Variants in RBFOX1 observed in about 807,000 individuals in gnomAD.
RBFOX1 encodes the protein RNA binding fox-1 homolog 1.
Under a neutral mutation model 57.7 loss-of-function variants are expected in RBFOX1, and 8 were observed. The observed-to-expected ratio is 0.14, with a 90% CI of 0.08 to 0.25. The LOEUF is 0.25. Among genes scored for constraint, RBFOX1 ranks in the 10% least tolerant of loss-of-function variants. The pLI is 1.00. For missense variants in RBFOX1, 611 were observed against 548.5 expected, an observed-to-expected ratio of 1.11 and a Z score of -1.14; for synonymous variants, 326 against 222.4, an observed-to-expected ratio of 1.47 and a Z score of -4.15.
chr16:6,264,537 T>C (rs979513687), intron 1 of RBFOX1, among the ~76,000 whole-genome samples: 1 of 152,170 alleles, frequency 6.6e-6, no homozygotes, highest in Non-Finnish European at 1.5e-5. Context: ...ATTCACCTCC[T>C]CGCTCACATC....
chr16:6,849,734 C>T (rs1358238983), intron 3 of RBFOX1, among the ~76,000 whole-genome samples: 1 of 152,094 alleles, frequency 6.6e-6, no homozygotes, highest in Non-Finnish European at 1.5e-5. Context: ...GTCTACATCG[C>T]CTACATCCCA....
At chr16:5,741,378 C>CT (rs1180941055) in intron 3 of RBFOX1, among the ~76,000 whole-genome samples, 1 of 152,146 alleles carries the variant, frequency 6.6e-6, no homozygotes, top group East Asian at 1.9e-4. Flanking sequence ...ATGCTAATTA[C>CT]TTTTTTTCCC....
intron 2 of RBFOX1, among the ~76,000 whole-genome samples, chr16:5,544,722 G>A (rs1010496435): frequency 2.0e-5 from 3 of 151,940 alleles, no homozygotes; most frequent in African/African-American, 7.3e-5. Context: ...CTTAAATAAG[G>A]CATAACTATA....
intron 4 of RBFOX1, among the ~76,000 whole-genome samples, chr16:7,054,743 G>A (rs1461391443): frequency 1.3e-5 from 2 of 152,158 alleles, no homozygotes; most frequent in African/African-American, 4.8e-5. Flanking sequence ...TGTCCTAAGT[G>A]CAGCAGTCAA....
intron 3 of RBFOX1, among the ~76,000 whole-genome samples, chr16:5,769,870 G>T (rs1275114149): frequency 1.3e-5 from 2 of 152,118 alleles, no homozygotes; most frequent in African/African-American, 4.8e-5. Flanking sequence ...CCCAATTTGT[G>T]GTACTTTGTC....
At chr16:7,202,274 C>G (rs998309912) in intron 4 of RBFOX1, among the ~76,000 whole-genome samples, 1 of 147,358 alleles carries the variant, frequency 6.8e-6, no homozygotes, top group Non-Finnish European at 1.5e-5. Context: ...GATACCACCT[C>G]ACACACATTA....
At chr16:5,821,838 G>A (rs140912401) in intron 3 of RBFOX1, among the ~76,000 whole-genome samples, 14 of 152,248 alleles carry the variant, frequency 9.2e-5, no homozygotes, top group African/African-American at 3.1e-4. Context: ...CATGGTGAAA[G>A]GAGAAGGGCA....
intron 10 of RBFOX1, among the ~76,000 whole-genome samples, chr16:7,612,692 AC>A (rs1425576196): frequency 2.6e-5 from 4 of 152,130 alleles, no homozygotes; most frequent in Non-Finnish European, 4.4e-5. Flanking sequence ...GATTTACGGC[AC>A]CTTTAATCTT....
intron 9 of RBFOX1, among the ~76,000 whole-genome samples, chr16:7,602,582 G>A (rs1412014459): frequency 6.6e-6 from 1 of 152,166 alleles, no homozygotes; most frequent in African/African-American, 2.4e-5. Context: ...ATCTCCAGCA[G>A]GGTTATCCCA....
intron 1 of RBFOX1, among the ~76,000 whole-genome samples, chr16:6,295,133 G>A (rs1215788855): frequency 7.8e-6 from 1 of 127,446 alleles, no homozygotes; most frequent in East Asian, 2.5e-4. Context: ...TTTTGAGACG[G>A]GGTATCTCTC....
chr16:5,631,558 A>T (rs936907135), intron 3 of RBFOX1, among the ~76,000 whole-genome samples: 9 of 145,440 alleles, frequency 6.2e-5, no homozygotes, highest in African/African-American at 2.2e-4. Context: ...TCCATATTTA[A>T]AAAAAAAAAA....
intron 3 of RBFOX1, among the ~76,000 whole-genome samples, chr16:5,655,097 G>A (rs1350206138): frequency 3.3e-5 from 5 of 152,162 alleles, no homozygotes; most frequent in Non-Finnish European, 7.3e-5. Flanking sequence ...AAATCTAAGA[G>A]CAGGGCTGAC....
intron 3 of RBFOX1, among the ~76,000 whole-genome samples, chr16:6,956,054 G>C (rs983846615): frequency 6.6e-6 from 1 of 152,108 alleles, no homozygotes; most frequent in Non-Finnish European, 1.5e-5. Flanking sequence ...GATTAAGTGA[G>C]TTATCTTCCC....
At position 7,502,095 on chromosome 16, in the gene RBFOX1, CT is replaced by C. The variant is rs35941951; in HGVS notation, c.28-16042del. ...CGACTATCATTCATTTTATGACAGC[CT>C]TTTTTTTTTCAGCTGGCAAACTATG... On this transcript the variant is annotated intron_variant, in intron 4 of 15. Transcript: ENST00000550418. 2.1e-4 allele frequency among the ~76,000 whole-genome samples: 32 copies of C among 149,770 alleles called. No homozygotes were observed. In the South Asian group the frequency reaches 2.7e-3, roughly 13 times the overall value.
At chr16:7,104,926 G>C (rs1478634767) in intron 4 of RBFOX1, among the ~76,000 whole-genome samples, 1 of 152,030 alleles carries the variant, frequency 6.6e-6, no homozygotes, top group Non-Finnish European at 1.5e-5. Context: ...AATATACTCA[G>C]AAATCTCTGT....
intron 2 of RBFOX1, among the ~76,000 whole-genome samples, chr16:5,486,130 T>G (rs909070151): frequency 1.3e-5 from 2 of 152,204 alleles, no homozygotes; most frequent in Non-Finnish European, 2.9e-5. Flanking sequence ...CTTAAAGTAA[T>G]AACACTTAAA....
chr16:5,777,983 A>C (rs2054200698), intron 3 of RBFOX1, among the ~76,000 whole-genome samples: 1 of 152,144 alleles, frequency 6.6e-6, no homozygotes, highest in Admixed American at 6.5e-5. Context: ...CATTTTGCAG[A>C]GTAGAAAACA....
At chr16:7,350,858 T>C (rs2097116373) in intron 4 of RBFOX1, among the ~76,000 whole-genome samples, 1 of 152,128 alleles carries the variant, frequency 6.6e-6, no homozygotes, top group African/African-American at 2.4e-5. Context: ...TCTGGTATTT[T>C]GTGTGGCTTC....
chr16:6,156,917 A>G (rs1361372146), intron 1 of RBFOX1, among the ~76,000 whole-genome samples: 3 of 152,158 alleles, frequency 2.0e-5, no homozygotes, highest in African/African-American at 7.2e-5. Flanking sequence ...ATGGTTCACC[A>G]TAGCCCCGAA....
Sources: allele counts gnomAD v4.1 joint callset (sites outside exome capture counted in the v4.1 genomes callset), GRCh38; gene constraint gnomAD v4.1.1; transcripts MANE v1.5; gene names NCBI Gene and HGNC (gene_info 2026-07-23, HGNC 2026-07-21).